IMMP2L: variants seen among roughly 807,000 people sequenced by gnomAD.
IMMP2L encodes the protein mitochondrial inner membrane protease subunit 2.
In IMMP2L, 18 loss-of-function variants were observed where a neutral mutation model predicts 19.3. The ratio of observed to expected loss-of-function variants is 0.93; its 90% CI spans 0.64 to 1.38. The LOEUF (loss-of-function observed/expected upper bound fraction) is 1.38. Ranked by LOEUF, IMMP2L falls within the 40% of genes most tolerant of loss-of-function variation. The pLI is 0.00. For missense variants in IMMP2L, 233 were observed against 218.2 expected, an observed-to-expected ratio of 1.07 and a Z score of -0.43; for synonymous variants, 76 against 73.0, an observed-to-expected ratio of 1.04 and a Z score of -0.21.
intron 5 of IMMP2L, among the ~76,000 whole-genome samples, chr7:110,764,075 TG>T (rs1352915418): frequency 6.6e-6 from 1 of 152,158 alleles, no homozygotes; most frequent in African/African-American, 2.4e-5. Flanking sequence ...GATACATCCT[TG>T]TTTCCATTTA....
At chr7:111,466,075 CA>C (rs1181439773) in intron 3 of IMMP2L, among the ~76,000 whole-genome samples, 1 of 151,868 alleles carries the variant, frequency 6.6e-6, no homozygotes, top group Admixed American at 6.6e-5. Flanking sequence ...ATCGCAAGGA[CA>C]AAAAAACCAA....
intron 3 of IMMP2L, among the ~76,000 whole-genome samples, chr7:111,218,418 A>G (rs1159920102): frequency 6.6e-6 from 1 of 151,926 alleles, no homozygotes; most frequent in Non-Finnish European, 1.5e-5. Context: ...TTAATAAAAC[A>G]CAAGTGGAAA....
chr7:110,923,954 C>G (rs191019339), intron 4 of IMMP2L, among the ~76,000 whole-genome samples: 8 of 152,284 alleles, frequency 5.3e-5, no homozygotes, highest in South Asian at 4.1e-4. Flanking sequence ...AATAGCCCCC[C>G]ACTGATGCAC....
intron 3 of IMMP2L, among the ~76,000 whole-genome samples, chr7:111,371,057 A>G (rs1262748572): frequency 1.3e-5 from 2 of 151,962 alleles, no homozygotes; most frequent in African/African-American, 4.8e-5. Flanking sequence ...TCCAAAGCAG[A>G]AACACAGTCA....
intron 5 of IMMP2L, among the ~76,000 whole-genome samples, chr7:110,845,057 C>G (rs770632601): frequency 2.0e-4 from 31 of 152,158 alleles, no homozygotes; most frequent in Non-Finnish European, 3.1e-4. Flanking sequence ...GTCATAACTC[C>G]AATATTTCAA....
intron 3 of IMMP2L, among the ~76,000 whole-genome samples, chr7:111,110,420 A>G (rs1327597412): frequency 6.6e-6 from 1 of 152,196 alleles, no homozygotes; most frequent in Non-Finnish European, 1.5e-5. Flanking sequence ...CTTATCTTCC[A>G]AGAAAACATA....
intron 3 of IMMP2L, among the ~76,000 whole-genome samples, chr7:111,031,438 AT>A (rs1484152364): frequency 6.8e-6 from 1 of 146,426 alleles, no homozygotes; most frequent in Non-Finnish European, 1.5e-5. Flanking sequence ...ATTGATGTGG[AT>A]ATGTCAAAGG....
At chr7:111,007,720 T>G (rs1318904489) in intron 3 of IMMP2L, among the ~76,000 whole-genome samples, 2 of 152,086 alleles carry the variant, frequency 1.3e-5, no homozygotes, top group Non-Finnish European at 2.9e-5. Context: ...TACATACTTA[T>G]ATATATGCAT....
At chr7:110,688,842 T>C (rs1793299495) in intron 5 of IMMP2L, among the ~76,000 whole-genome samples, 1 of 151,402 alleles carries the variant, frequency 6.6e-6, no homozygotes, top group African/African-American at 2.5e-5. Context: ...TGTCTCTCTC[T>C]GTATGTATGT....
chr7:110,919,776 T>C (rs1240732482), intron 4 of IMMP2L, among the ~76,000 whole-genome samples: 4 of 152,086 alleles, frequency 2.6e-5, no homozygotes, highest in East Asian at 1.9e-4. Context: ...GTCAACTTGA[T>C]TGGATTGAAG....
intron 3 of IMMP2L, among the ~76,000 whole-genome samples, chr7:111,306,508 C>T (rs1822887707): frequency 8.6e-5 from 13 of 151,888 alleles, no homozygotes; most frequent in Admixed American, 7.2e-4. Context: ...TAGCATAAAT[C>T]TGTCTTTATT....
chr7:111,000,133 T>C (rs1208848954), intron 3 of IMMP2L, among the ~76,000 whole-genome samples: 1 of 152,168 alleles, frequency 6.6e-6, no homozygotes, highest in Non-Finnish European at 1.5e-5. Flanking sequence ...AATTCTATTC[T>C]GGGAACAGAA....
intron 5 of IMMP2L, among the ~76,000 whole-genome samples, chr7:110,797,135 C>A (rs1486636919): frequency 6.6e-6 from 1 of 151,886 alleles, no homozygotes; most frequent in Non-Finnish European, 1.5e-5. Context: ...GCAAGGTGAT[C>A]TTTCATGATC....
chr7:111,520,658 C>A (rs189088525), intron 2 of IMMP2L, among the ~76,000 whole-genome samples: 1 of 152,064 alleles, frequency 6.6e-6, no homozygotes, highest in East Asian at 1.9e-4. Flanking sequence ...ATACAGGAAA[C>A]CAAATCCTAT....
chr7:111,539,204 A>AGGAAGGGAGGAAGG (rs879777334), intron 1 of IMMP2L, among the ~76,000 whole-genome samples: 1 of 34,004 alleles, frequency 2.9e-5, no homozygotes, highest in Non-Finnish European at 5.9e-5. Flanking sequence ...GGGAGAAAGA[A>AGGAAGGGAGGAAGG]AGAAAGAAAG....
chr7:111,379,232 T>C (rs1830974856), intron 3 of IMMP2L, among the ~76,000 whole-genome samples: 1 of 149,258 alleles, frequency 6.7e-6, no homozygotes, highest in South Asian at 2.1e-4. Flanking sequence ...AAAAGTCCTA[T>C]TAAAGATAAG....
intron 3 of IMMP2L, among the ~76,000 whole-genome samples, chr7:111,355,228 A>G (rs1200011061): frequency 6.6e-6 from 1 of 151,848 alleles, no homozygotes; most frequent in Non-Finnish European, 1.5e-5. Flanking sequence ...TACAATGTAC[A>G]TCGAATTTTT....
intron 3 of IMMP2L, among the ~76,000 whole-genome samples, chr7:111,343,798 T>C (rs1563082323): frequency 6.6e-6 from 1 of 152,120 alleles, no homozygotes; most frequent in Non-Finnish European, 1.5e-5. Flanking sequence ...AAACAGAAAG[T>C]AACCTTGTGA....
At chr7:111,362,727 TCAATAC>T (rs200641387) in intron 3 of IMMP2L, among the ~76,000 whole-genome samples, 1,601 of 152,202 alleles carry the variant, frequency 0.011, 31 homozygotes, top group African/African-American at 0.035. Flanking sequence ...ATTCACTTTT[TCAATAC>T]CAATACCAAT....
Sources: gnomAD v4.1 joint callset for allele counts (sites outside exome capture counted in the v4.1 genomes callset) on GRCh38, gnomAD v4.1.1 for gene constraint, MANE v1.5 for transcripts, NCBI Gene and HGNC (gene_info 2026-07-23, HGNC 2026-07-21) for gene names.